The following DCLK1 variants were observed in gnomAD, a reference collection of about 807,000 sequenced individuals.
DCLK1 encodes serine/threonine-protein kinase DCLK1.
A neutral mutation model predicts 86.2 loss-of-function variants in DCLK1; 16 were observed. That is an observed-to-expected ratio of 0.19 (90% CI 0.13 to 0.28). The LOEUF (loss-of-function observed/expected upper bound fraction) is 0.28. DCLK1 is among the 10% of genes least tolerant of loss of function. DCLK1 has a pLI of 1.00. For synonymous variants in DCLK1, 369 were observed against 370.5 expected (o/e 1.00, Z 0.05); for missense variants, 590 against 940.2 (o/e 0.63, Z 4.87).
chr13:35,826,639 A>G (rs9574694), intron 10 of DCLK1, among the ~76,000 whole-genome samples: 92,862 of 142,232 alleles, frequency 0.65, 31,939 homozygotes, highest in Non-Finnish European at 0.75. Context: ...AAAAAATGCC[A>G]ATATGTCTAA....
At chr13:36,114,909 T>A (rs1885728826) in intron 2 of DCLK1, among the ~76,000 whole-genome samples, 1 of 152,240 alleles carries the variant, frequency 6.6e-6, no homozygotes, top group African/African-American at 2.4e-5. Flanking sequence ...TTAGTGTGAC[T>A]GAGAGTTAAG....
In DCLK1 at chr13:35,987,032, T is replaced by A. The variant is rs191411540; in HGVS notation, c.724-39575A>T. ...GCTCCATTTTCCTAATAATATTTTG[T>A]GTAGAAAAGTATTTAAATTACCTCC... On this transcript the variant is annotated intron_variant, in intron 3 of 16. Coordinates refer to ENST00000360631, the MANE Select transcript of DCLK1 (RefSeq NM_001330071.2). Among the ~76,000 whole-genome samples, 862 of 152,304 alleles carry A rather than the reference T, an allele frequency of 5.7e-3. 6 individuals are homozygous for A. Among genetic ancestry groups the A allele is most frequent in the African/African-American group, 0.02 (820 of 41,570 alleles).
chr13:35,911,183 A>G (rs1049991956), intron 4 of DCLK1, among the ~76,000 whole-genome samples: 3 of 150,854 alleles, frequency 2.0e-5, no homozygotes, highest in African/African-American at 7.3e-5. Flanking sequence ...AGTCCAAGCT[A>G]CTTGGGAGGT....
chr13:35,850,930 G>C (rs541808008), intron 6 of DCLK1, among the ~76,000 whole-genome samples: 2 of 152,212 alleles, frequency 1.3e-5, no homozygotes, highest in South Asian at 4.1e-4. Flanking sequence ...GATAATAATA[G>C]AGAAACCATC....
chr13:36,025,834 A>G (rs1882011944), intron 3 of DCLK1, among the ~76,000 whole-genome samples: 1 of 152,222 alleles, frequency 6.6e-6, no homozygotes, highest in Admixed American at 6.5e-5. Context: ...AAAAAAATTT[A>G]GACGTGATTT....
intron 8 of DCLK1, among the ~76,000 whole-genome samples, chr13:35,831,235 C>A (rs57865269): frequency 0.012 from 1,862 of 152,242 alleles, 29 homozygotes; most frequent in African/African-American, 0.042. Context: ...AATGTTGCAT[C>A]TTTTCTTTTT....
At chr13:35,855,749 G>A (rs532427435) in intron 5 of DCLK1, 16 of 1,324,048 alleles carry the variant, frequency 1.2e-5, no homozygotes, top group Non-Finnish European at 1.5e-5. Context: ...TCTGTCTTAG[G>A]CTACATCAAA....
chr13:35,849,558 C>T (rs1422728431), intron 6 of DCLK1: 1 of 978,580 alleles, frequency 1.0e-6, no homozygotes, highest in Non-Finnish European at 1.2e-6. Context: ...TAATTTTTAA[C>T]ATTCAGACTT....
At chr13:35,846,742 C>T in intron 6 of DCLK1, 1 of 985,174 alleles carries the variant, frequency 1.0e-6, no homozygotes, top group Non-Finnish European at 1.2e-6. Flanking sequence ...AATAGAGATG[C>T]TAGCAAGGTT....
intron 3 of DCLK1, among the ~76,000 whole-genome samples, chr13:36,027,409 T>G (rs886207613): frequency 3.9e-5 from 6 of 152,224 alleles, no homozygotes; most frequent in Non-Finnish European, 8.8e-5. Flanking sequence ...GCCCAGCTCC[T>G]AACATGCCAC....
intron 4 of DCLK1, among the ~76,000 whole-genome samples, chr13:35,930,228 T>C (rs1466927749): frequency 6.6e-6 from 1 of 152,236 alleles, no homozygotes; most frequent in Non-Finnish European, 1.5e-5. Context: ...CCAAGAATAC[T>C]TGACATGCAG....
intron 5 of DCLK1, among the ~76,000 whole-genome samples, chr13:35,869,462 A>G (rs1370479802): frequency 6.6e-6 from 1 of 152,196 alleles, no homozygotes; most frequent in African/African-American, 2.4e-5. Context: ...CAAGGTATCT[A>G]AAAGGTCTGC....
chr13:36,011,672 A>T (rs963267289), intron 3 of DCLK1, among the ~76,000 whole-genome samples: 6 of 152,190 alleles, frequency 3.9e-5, no homozygotes. Context: ...TGGAATAGGT[A>T]TGGTGTGGTG....
intron 6 of DCLK1, among the ~76,000 whole-genome samples, chr13:35,843,658 C>G (rs922075668): frequency 1.3e-5 from 2 of 152,166 alleles, no homozygotes; most frequent in African/African-American, 2.4e-5. Flanking sequence ...TTGATCTAAT[C>G]AAGGTAGAAA....
intron 9 of DCLK1, 63 bp from the exon 10 acceptor site, chr13:35,827,817 G>A: frequency 1.3e-6 from 2 of 1,588,378 alleles, no homozygotes; most frequent in Non-Finnish European, 1.7e-6. Context: ...TAACTCAAAT[G>A]AGTACAACTA....
chr13:36,060,921 GATC>G (rs1883519505), intron 3 of DCLK1, among the ~76,000 whole-genome samples: 1 of 152,116 alleles, frequency 6.6e-6, no homozygotes, highest in Non-Finnish European at 1.5e-5. Flanking sequence ...AAGAAAAAGT[GATC>G]ATTATGTCAG....
intron 5 of DCLK1, among the ~76,000 whole-genome samples, chr13:35,866,977 G>T (rs897540598): frequency 5.3e-5 from 8 of 152,152 alleles, no homozygotes; most frequent in Non-Finnish European, 8.8e-5. Context: ...CTGACATCCA[G>T]CAGCTACACT....
chr13:36,123,587 C>G (rs1310386433), intron 2 of DCLK1, among the ~76,000 whole-genome samples: 1 of 152,236 alleles, frequency 6.6e-6, no homozygotes, highest in African/African-American at 2.4e-5. Context: ...AGCTTTGGCA[C>G]TAGCCTTCCT....
chr13:35,856,548 T>C (rs1375339025), intron 5 of DCLK1, among the ~76,000 whole-genome samples: 3 of 152,210 alleles, frequency 2.0e-5, no homozygotes, highest in Non-Finnish European at 4.4e-5. Context: ...CTTTTCACTT[T>C]GAGACTCTGA....
Sources: gnomAD v4.1 joint callset for allele counts (sites outside exome capture counted in the v4.1 genomes callset) on GRCh38, gnomAD v4.1.1 for gene constraint, MANE v1.5 for transcripts, NCBI Gene and HGNC (gene_info 2026-07-23, HGNC 2026-07-21) for gene names.